The following MRPS24 variants were observed in gnomAD, a reference collection of about 807,000 sequenced individuals.
MRPS24 encodes the protein small ribosomal subunit protein uS3m.
In MRPS24, 15 loss-of-function variants were observed where a neutral mutation model predicts 21.8. The ratio of observed to expected loss-of-function variants is 0.69; its 90% confidence interval spans 0.46 to 1.06. The LOEUF (loss-of-function observed/expected upper bound fraction) is 1.06. Among genes scored for constraint, MRPS24 ranks in the 50% least tolerant of loss-of-function variants. The pLI, the probability that MRPS24 is intolerant of heterozygous loss-of-function variation, is 0.00. For synonymous variants in MRPS24, 93 were observed against 93.7 expected, an observed-to-expected ratio of 0.99 and a Z score of 0.04; for missense variants, 224 against 219.1, an observed-to-expected ratio of 1.02 and a Z score of -0.14.
chr7:43,867,071 C>T (rs1480847569), intron 3 of MRPS24, 89 bp from the exon 4 acceptor site: 6 of 1,352,292 alleles, frequency 4.4e-6, no homozygotes, highest in Non-Finnish European at 6.2e-6. Flanking sequence ...AAGCGCTGAG[C>T]ACAATCCCAC....
chr7:43,869,135 A>C lies in MRPS24; in HGVS notation c.109-61T>G, dbSNP rs773866394. Reference sequence around the variant, plus strand: ...CCGATCCAGACCCCTACTTCGCGCCATGTCCCCCCAGTCAGCTGGCACTGT... The same window carrying C: ...CCGATCCAGACCCCTACTTCGCGCCCTGTCCCCCCAGTCAGCTGGCACTGT... On this transcript the variant is annotated intron_variant, in intron 2 of 3. Coordinates refer to ENST00000317534, the MANE Select transcript of MRPS24 (RefSeq NM_032014.3). This position sits in a 1 kb window ranked among gnomAD's most constrained non-coding sequence, Gnocchi z 4.8. 3.9e-6 allele frequency: 6 copies of C among 1,549,276 alleles called. No individual in the cohort carries two copies. The highest frequency in any genetic ancestry group is 4.7e-5 in the East Asian group (2 of 42,236).
In MRPS24 at chr7:43,867,518, CTCTTTTTTTT is replaced by C. The variant is rs1334761650; in HGVS notation, c.221-546_221-537del. ...AAGAGTGGGAGACAAGCATCTCTCT[CTCTTTTTTTT>C]TTTTTTTTTTTTTTTTTTTGAGATG... is the stretch of plus-strand genomic sequence containing the variant. On this transcript the variant is annotated intron_variant, in intron 3 of 3. Coordinates refer to ENST00000317534, the MANE Select transcript of MRPS24 (RefSeq NM_032014.3). The C allele has an allele frequency of 8.9e-4, 81 of 90,762 alleles. 1 individual carries two copies. The highest frequency in any genetic ancestry group is 2.4e-3 in the African/African-American group (58 of 23,972). The allele number at this position is 90,762 out of a possible 1,614,324, so 5.6% of individuals were successfully genotyped here.
chr7:43,868,570 C>T (rs1164044803), intron 3 of MRPS24: 1 of 167,344 alleles, frequency 6.0e-6, no homozygotes, highest in Non-Finnish European at 1.3e-5. Flanking sequence ...AAACTGCATT[C>T]CTTAGAGCAC....
chr7:43,866,845 A>G lies in MRPS24; in HGVS notation c.358T>C (p.Cys120Arg), dbSNP rs1467773817. The change falls in exon 4 of 4, where the codon TGT (cysteine) becomes CGT (arginine). Residue 120 changes from cysteine to arginine, a missense_variant. By Grantham distance (180) the Cys-to-Arg change is radical. Coordinates refer to ENST00000317534, the MANE Select transcript of MRPS24 (RefSeq NM_032014.3). ...LKRRGNQLEI[C>R]AVVLRQLSPH... The stretch of plus-strand genomic sequence containing the variant: ...GACAACTGCCTCAGGACCACGGCAC[A>G]GATCTCCAACTGGTTACCCCGGCGC... The G allele has an allele frequency of 6.2e-7, 1 of 1,614,260 alleles. No homozygotes were observed. Among genetic ancestry groups the G allele is most frequent in the Admixed American group, 1.7e-5 (1 of 60,036 alleles).
chr7:43,866,619 T>G lies in MRPS24; in HGVS notation c.*80A>C. The stretch of plus-strand genomic sequence containing the variant: ...ACTATGCCTCAGTCCTCTGAGGGGA[T>G]GCATTTCCCCCACATACCATTCCTT... On this transcript the variant is annotated 3_prime_UTR_variant, in exon 4 of 4. Coordinates refer to ENST00000317534, the MANE Select transcript of MRPS24 (RefSeq NM_032014.3). The G allele has an allele frequency of 6.8e-7, 1 of 1,480,206 alleles. No individual in the cohort carries two copies. Among genetic ancestry groups the G allele is most frequent in the South Asian group, 1.2e-5 (1 of 80,802 alleles). The allele number at this position is 1,480,206 out of a possible 1,614,324, so 91.7% of individuals were successfully genotyped here.
In MRPS24 at chr7:43,869,279, C is replaced by T. The variant is rs1370886428; in HGVS notation, c.108+29G>A. 3 of 1,527,366 alleles carry T rather than the reference C, an allele frequency of 2.0e-6. No homozygotes were observed. The Admixed American group carries it at 6.0e-5, about 30-fold the overall frequency. 94.6% of individuals were successfully genotyped at this position (1,527,366 alleles called of 1,614,324 possible). On this transcript the variant is annotated intron_variant, in intron 2 of 3. Transcript: ENST00000317534. The surrounding 1 kb of genome is among the most constrained non-coding windows in gnomAD (Gnocchi z 4.8). ...GCCCCCGGCCCCCCGGCCCCCAGGCCCCCAGGCCCCTGCCCCGGCGGTGCT... is the reference window on the plus strand; with the variant it reads ...GCCCCCGGCCCCCCGGCCCCCAGGCTCCCAGGCCCCTGCCCCGGCGGTGCT...
chr7:43,866,968 C>T lies in MRPS24; in HGVS notation c.235G>A (p.Glu79Lys). 1 of 1,614,124 alleles carries T rather than the reference C, an allele frequency of 6.2e-7. No individual in the cohort carries two copies. The highest frequency in any genetic ancestry group is 8.5e-7 in the Non-Finnish European group (1 of 1,179,988). The change falls in exon 4 of 4, where the codon GAG becomes AAG. Residue 79 changes from glutamate (E) to lysine (K), a missense_variant. Physicochemically the swap from Glu to Lys is moderately conservative, Grantham distance 56. Coordinates refer to ENST00000317534, the MANE Select transcript of MRPS24 (RefSeq NM_032014.3). ...ACCGTTCGCTCTGCGGCATGGTCCT[C>T]TCCATCCAGGTTACCTGAAGAGGGA... ...LSLHTGNLDG[E>K]DHAAERTVED...
Position 43,866,812 on chromosome 7 carries a change from T to C in MRPS24, c.391A>G (p.Lys131Glu), listed in dbSNP as rs1315664508. 6.2e-7 allele frequency: 1 copy of C among 1,614,130 alleles called. No homozygotes were observed. Among genetic ancestry groups the C allele is most frequent in the Non-Finnish European group, 8.5e-7 (1 of 1,180,050 alleles). Residue 131 changes from lysine (K) to glutamate (E), a missense_variant, in exon 4 of 4, where the codon AAG becomes GAG. Transcript: ENST00000317534. ...CTGTAGCCCACGAGGAAGTAGTACT[T>C]GTGTGGAGACAACTGCCTCAGGACC... ...AVVLRQLSPH[K>E]YYFLVGYSET... is the part of the protein sequence containing the mutation.
chr7:43,869,142 C>A lies in MRPS24; in HGVS notation c.109-68G>T. The A allele has an allele frequency of 1.3e-6, 2 of 1,537,092 alleles. No individual in the cohort carries two copies. Among genetic ancestry groups the A allele is most frequent in the African/African-American group, 2.7e-5 (2 of 73,436 alleles). On this transcript the variant is annotated intron_variant, in intron 2 of 3. Transcript: ENST00000317534. The surrounding 1 kb of genome is among the most constrained non-coding windows in gnomAD (Gnocchi z 4.8). ...AGACCCCTACTTCGCGCCATGTCCC[C>A]CCAGTCAGCTGGCACTGTTCCCCGG...
rs761347989 is a variant in MRPS24 at position 43,869,458 on chromosome 7, C to G, written c.38G>C (p.Arg13Pro). 1 of 1,565,082 alleles carries G rather than the reference C, an allele frequency of 6.4e-7. No homozygotes were observed. Among genetic ancestry groups the G allele is most frequent in the Non-Finnish European group, 8.7e-7 (1 of 1,155,870 alleles). The stretch of plus-strand genomic sequence containing the variant: ...GACCTGCCGAGTCGCCCCACTCACC[C>G]GTGGCCCCAGCAACCCGCTGCACAC... ...ASVCSGLLGP[R>P]VLSWSRELPC... Residue 13 changes from arginine to proline, a missense_variant and splice_region_variant, in exon 1 of 4, where the codon CGG becomes CCG. By Grantham distance (103) the Arg-to-Pro change is moderately radical. Transcript: ENST00000317534. This position sits in a 1 kb window ranked among gnomAD's most constrained non-coding sequence, Gnocchi z 4.8.
intron 3 of MRPS24, 51 bp from the exon 4 acceptor site, chr7:43,867,033 C>A (rs1233680610): frequency 1.9e-6 from 3 of 1,580,274 alleles, no homozygotes; most frequent in Non-Finnish European, 2.6e-6. Flanking sequence ...CCCCAGGGCC[C>A]TGCCATAACT....
rs1450299779 is a variant in MRPS24, at chr7:43,868,943, G to A, written c.220+20C>T. 2.5e-6 allele frequency: 4 copies of A among 1,610,396 alleles called. No individual in the cohort carries two copies. Among genetic ancestry groups the A allele is most frequent in the Non-Finnish European group, 3.4e-6 (4 of 1,177,912 alleles). ...ACAGTCGGATTGAGTGCTCCTTTTG[G>A]AGGCCTGGGGTCCGCTCACCTGTGT... On this transcript the variant is annotated intron_variant, in intron 3 of 3. Transcript: ENST00000317534.
chr7:43,869,248 TCCCCGGCCCCCGGCC>T lies in MRPS24; in HGVS notation c.108+45_108+59del, dbSNP rs1168839758. 1.2e-4 allele frequency: 172 copies of T among 1,489,418 alleles called. No homozygotes were observed. In the African/African-American group the frequency reaches 1.2e-3, roughly 10 times the overall value. 92.3% of individuals were successfully genotyped at this position (1,489,418 alleles called of 1,614,324 possible). A position where few individuals can be genotyped will look rare whatever the true frequency, so the allele number is the denominator to read the frequency against. On this transcript the variant is annotated intron_variant, in intron 2 of 3. Transcript: ENST00000317534. This position sits in a 1 kb window ranked among gnomAD's most constrained non-coding sequence, Gnocchi z 4.8. Reference sequence around the variant, plus strand: ...CACGCCCCCTTCAGCCCGCACGGCTTCCCCGGCCCCCGGCCCCCCGGCCCCCAGGCCCCCAGGCCC... The same window carrying T: ...CACGCCCCCTTCAGCCCGCACGGCTTCCCCGGCCCCCAGGCCCCCAGGCCC...
rs1161447303 is a variant in MRPS24 at position 43,866,688 on chromosome 7, A to C, written c.*11T>G. ...TGCAGGCTACAGCTTGATGGAAAAAAGGGGATTGTTCTAGAGGTACTTATA... is the reference window on the plus strand; with the variant it reads ...TGCAGGCTACAGCTTGATGGAAAAACGGGGATTGTTCTAGAGGTACTTATA... On this transcript the variant is annotated 3_prime_UTR_variant, in exon 4 of 4. Transcript: ENST00000317534. The C allele has an allele frequency of 6.2e-7, 1 of 1,610,860 alleles. No homozygotes were observed. Among genetic ancestry groups the C allele is most frequent in the Admixed American group, 1.7e-5 (1 of 59,982 alleles).
Position 43,866,744 on chromosome 7 carries a change from G to C in MRPS24, c.459C>G (p.Leu153=). 6.2e-7 allele frequency: 1 copy of C among 1,614,200 alleles called. No homozygotes were observed. The highest frequency in any genetic ancestry group is 1.1e-5 in the South Asian group (1 of 91,080). Residue 153 remains leucine (L), a synonymous_variant, in exon 4 of 4, where the codon CTC becomes CTG. Coordinates refer to ENST00000317534, the MANE Select transcript of MRPS24 (RefSeq NM_032014.3). ...LSYFYKCPVR[L]HLQTVPSKVV... is the part of the protein sequence containing the mutation. Reference sequence around the variant, plus strand: ...CCTTTGAGGGCACAGTTTGGAGGTGGAGTCGCACAGGACATTTGTAAAAGT... The same window carrying C: ...CCTTTGAGGGCACAGTTTGGAGGTGCAGTCGCACAGGACATTTGTAAAAGT...
In MRPS24 at chr7:43,866,735, T is replaced by C. The variant is rs899030839; in HGVS notation, c.468A>G (p.Gln156=). The C allele has an allele frequency of 4.3e-6, 7 of 1,614,072 alleles. No individual in the cohort carries two copies. The highest frequency in any genetic ancestry group is 2.7e-5 in the African/African-American group (2 of 74,910). ...TATACACAACCTTTGAGGGCACAGT[T>C]TGGAGGTGGAGTCGCACAGGACATT... ...FYKCPVRLHL[Q]TVPSKVVYKY... The change falls in exon 4 of 4, where the codon CAA becomes CAG. Residue 156 remains glutamine, a synonymous_variant. Transcript: ENST00000317534.
chr7:43,867,576 C>T (rs2095837463), intron 3 of MRPS24: 1 of 120,412 alleles, frequency 8.3e-6, no homozygotes. Flanking sequence ...GTCGTCCAGG[C>T]TGGAGTGCAG....
chr7:43,868,726 G>A (rs2095838366), intron 3 of MRPS24: 1 of 494,324 alleles, frequency 2.0e-6, no homozygotes, highest in Non-Finnish European at 3.5e-6. Flanking sequence ...GTTCAGTGGA[G>A]GATCAATTGA....
chr7:43,866,821 A>T lies in MRPS24; in HGVS notation c.382T>A (p.Ser128Thr), dbSNP rs181359494. 2.5e-6 allele frequency: 4 copies of T among 1,614,246 alleles called. No homozygotes were observed. In the Admixed American group the frequency reaches 6.7e-5, roughly 27 times the overall value. The change falls in exon 4 of 4, where the codon TCT becomes ACT. Residue 128 changes from serine to threonine, a missense_variant. Physicochemically the swap from Ser to Thr is moderately conservative, Grantham distance 58. Transcript: ENST00000317534. ...EICAVVLRQL[S>T]PHKYYFLVGY... ...ACGAGGAAGTAGTACTTGTGTGGAG[A>T]CAACTGCCTCAGGACCACGGCACAG...
Sources: gnomAD v4.1 joint callset for allele counts on GRCh38, gnomAD v4.1.1 for gene constraint, Gnocchi (gnomAD v3.1) non-coding constraint, MANE v1.5 for transcripts, NCBI Gene and HGNC (gene_info 2026-07-23, HGNC 2026-07-21) for gene names.